Variants in RAB38 observed in about 807,000 individuals in gnomAD.
RAB38 encodes the protein RAB38, member RAS oncogene family, also known as ras-related protein Rab-38.
Under a neutral mutation model 18.4 loss-of-function variants are expected in RAB38, and 15 were observed. That is an observed-to-expected ratio of 0.82 (90% CI 0.55 to 1.26). The LOEUF (loss-of-function observed/expected upper bound fraction) is 1.26. Ranked by LOEUF, RAB38 falls within the 50% of genes most tolerant of loss-of-function variation. The pLI is 0.00. For synonymous variants in RAB38, 101 were observed against 104.4 expected (o/e 0.97, Z 0.20); for missense variants, 294 against 267.4 (o/e 1.10, Z -0.69).
the RAB38 span, among the ~76,000 whole-genome samples, chr11:88,073,183 A>G: frequency 1.3e-5 from 2 of 152,154 alleles, no homozygotes. Context: ...GCCTGGAGAG[A>G]GATATATCCC....
Position 88,117,336 on chromosome 11 carries a change from T to A in RAB38, c.484-3196A>T, listed in dbSNP as rs576542699. Among the ~76,000 whole-genome samples the A allele has an allele frequency of 9.3e-4, 142 of 152,334 alleles. 2 individuals carry two copies. Among genetic ancestry groups the A allele is most frequent in the African/African-American group, 3.3e-3 (139 of 41,560 alleles). ...AAGCATAAAAAGGTTGGAAAGGGCA[T>A]CAGGGTGCCAGATCTCTGTAGAGCC... On this transcript the variant is annotated intron_variant, in intron 2 of 2. Transcript: ENST00000243662.
the RAB38 span, among the ~76,000 whole-genome samples, chr11:88,004,392 C>A: frequency 6.6e-6 from 1 of 150,916 alleles, no homozygotes; most frequent in Non-Finnish European, 1.5e-5. Context: ...ACAGGATCAC[C>A]ACACACAAAA....
the RAB38 span, among the ~76,000 whole-genome samples, chr11:88,004,087 G>T: frequency 7.0e-6 from 1 of 143,634 alleles, no homozygotes; most frequent in South Asian, 2.2e-4. Context: ...AAGAAAATCA[G>T]GTCCTTTACT....
the RAB38 span, among the ~76,000 whole-genome samples, chr11:87,856,707 C>CTT: frequency 3.3e-5 from 5 of 151,994 alleles, no homozygotes; most frequent in Admixed American, 2.0e-4. Flanking sequence ...TTCTCCTCCT[C>CTT]CTTCTTCTTC....
At chr11:87,969,442 G>A in the RAB38 span, among the ~76,000 whole-genome samples, 10 of 152,220 alleles carry the variant, frequency 6.6e-5, no homozygotes, top group African/African-American at 1.4e-4. Context: ...TTCTTCAAAC[G>A]CTCCATGGTA....
the RAB38 span, among the ~76,000 whole-genome samples, chr11:88,087,460 G>C: frequency 1.3e-5 from 2 of 151,908 alleles, no homozygotes; most frequent in Non-Finnish European, 2.9e-5. Flanking sequence ...TAGCCAAGGA[G>C]GGTTCTTGGT....
chr11:88,026,112 G>T, the RAB38 span, among the ~76,000 whole-genome samples: 1 of 151,800 alleles, frequency 6.6e-6, no homozygotes, highest in African/African-American at 2.4e-5. Context: ...TTACAGGCAC[G>T]CACCACCACG....
At chr11:87,936,573 T>C in the RAB38 span, among the ~76,000 whole-genome samples, 4 of 152,098 alleles carry the variant, frequency 2.6e-5, no homozygotes, top group Non-Finnish European at 5.9e-5. Flanking sequence ...GTCTTAATGA[T>C]TGTACCTAAA....
the RAB38 span, among the ~76,000 whole-genome samples, chr11:88,086,690 G>A: frequency 3.9e-5 from 6 of 152,024 alleles, no homozygotes; most frequent in South Asian, 8.3e-4. Flanking sequence ...TGAATTTGGT[G>A]TCAAGTAATA....
downstream of RAB38, among the ~76,000 whole-genome samples, chr11:88,108,297 G>A (rs899654020): frequency 7.2e-5 from 11 of 152,196 alleles, no homozygotes; most frequent in Admixed American, 3.9e-4. Flanking sequence ...ATAAATCTGG[G>A]TGTTCCTGTA....
At chr11:87,865,223 G>T in the RAB38 span, among the ~76,000 whole-genome samples, 1 of 151,666 alleles carries the variant, frequency 6.6e-6, no homozygotes, top group East Asian at 1.9e-4. Context: ...ACCTGTGAAT[G>T]TGCTACTTAA....
chr11:88,022,915 C>T, the RAB38 span, among the ~76,000 whole-genome samples: 1 of 152,046 alleles, frequency 6.6e-6, no homozygotes, highest in Non-Finnish European at 1.5e-5. Context: ...AAAACAAATA[C>T]TTCATGTCCT....
chr11:88,054,324 T>C, the RAB38 span, among the ~76,000 whole-genome samples: 1 of 152,220 alleles, frequency 6.6e-6, no homozygotes, highest in African/African-American at 2.4e-5. Flanking sequence ...TGGGTAGTTT[T>C]CTGCATTCTA....
At chr11:88,065,368 C>T in the RAB38 span, among the ~76,000 whole-genome samples, 83 of 152,298 alleles carry the variant, frequency 5.4e-4, no homozygotes, top group African/African-American at 1.6e-3. Flanking sequence ...TTAATATAGT[C>T]GCTTCCATTT....
chr11:87,873,326 C>A, the RAB38 span, among the ~76,000 whole-genome samples: 1 of 151,566 alleles, frequency 6.6e-6, no homozygotes, highest in African/African-American at 2.4e-5. Flanking sequence ...CTTAAGGCTT[C>A]TTTGCATATT....
chr11:88,094,384 T>C, the RAB38 span, among the ~76,000 whole-genome samples: 2 of 151,912 alleles, frequency 1.3e-5, no homozygotes, highest in African/African-American at 2.4e-5. Context: ...TCTTCTTTAA[T>C]GATCTTGTTC....
At chr11:87,848,189 AATC>A in the RAB38 span, among the ~76,000 whole-genome samples, 1 of 152,152 alleles carries the variant, frequency 6.6e-6, no homozygotes, top group East Asian at 1.9e-4. Context: ...CAGGGAAATA[AATC>A]ATCATCTATT....
chr11:87,814,734 C>CTTTTTT, the RAB38 span, among the ~76,000 whole-genome samples: 5 of 148,646 alleles, frequency 3.4e-5, no homozygotes, highest in African/African-American at 5.0e-5. Flanking sequence ...TTTTCTTTTT[C>CTTTTTT]TTTTTCTTTT....
chr11:87,956,304 A>T, the RAB38 span, among the ~76,000 whole-genome samples: 9 of 152,190 alleles, frequency 5.9e-5, no homozygotes, highest in Non-Finnish European at 5.9e-5. Flanking sequence ...TATTGTTCTT[A>T]TTATAAAATT....
Sources: allele counts gnomAD v4.1 joint callset (sites outside exome capture counted in the v4.1 genomes callset), GRCh38; gene constraint gnomAD v4.1.1; transcripts MANE v1.5; gene names NCBI Gene and HGNC (gene_info 2026-07-23, HGNC 2026-07-21).